S100PBP: variants seen among roughly 807,000 people sequenced by gnomAD.
The protein encoded by S100PBP is S100P-binding protein.
A neutral mutation model predicts 39.9 loss-of-function variants in S100PBP; 15 were observed. That is an observed-to-expected ratio of 0.38 (90% CI 0.25 to 0.58). The LOEUF is 0.58. Among genes scored for constraint, S100PBP ranks in the 20% least tolerant of loss-of-function variants. The probability of loss-of-function intolerance (pLI) is 0.70; values close to 1 mark genes in which losing one functional copy is unlikely to be tolerated. For missense variants in S100PBP, 504 were observed against 487.3 expected (o/e 1.03, Z -0.32); for synonymous variants, 178 against 180.3 (o/e 0.99, Z 0.10).
chr1:32,842,246 C>T (rs1270459884), intron 5 of S100PBP, among the ~76,000 whole-genome samples: 61 of 118,038 alleles, frequency 5.2e-4, no homozygotes, highest in East Asian at 3.3e-3. Flanking sequence ...TACACACACA[C>T]ACACACACAC....
chr1:32,841,310 A>G (rs191168764), intron 5 of S100PBP, among the ~76,000 whole-genome samples: 3 of 152,234 alleles, frequency 2.0e-5, no homozygotes, highest in East Asian at 3.9e-4. Flanking sequence ...TTTCATTCCC[A>G]TAAGTGTCTT....
chr1:32,854,555 A>T (rs1238612516), intron 6 of S100PBP, among the ~76,000 whole-genome samples: 1 of 152,188 alleles, frequency 6.6e-6, no homozygotes, highest in Non-Finnish European at 1.5e-5. Context: ...ACTATTTCTC[A>T]TCATTTGACC....
intron 5 of S100PBP, among the ~76,000 whole-genome samples, chr1:32,832,701 A>C (rs921588746): frequency 3.9e-5 from 6 of 152,202 alleles, no homozygotes; most frequent in Admixed American, 6.5e-5. Context: ...GAAGCACAAA[A>C]GGGGAGCGTA....
At chr1:32,840,196 G>A (rs1483606675) in intron 5 of S100PBP, among the ~76,000 whole-genome samples, 1 of 152,148 alleles carries the variant, frequency 6.6e-6, no homozygotes, top group Admixed American at 6.5e-5. Context: ...ATGTTGGCCA[G>A]GCTGGGCTTG....
In S100PBP at chr1:32,853,143, G is replaced by A; in HGVS notation, c.1089G>A (p.Gln363=). 1.2e-6 allele frequency: 2 copies of A among 1,612,332 alleles called. No homozygotes were observed. Among genetic ancestry groups the A allele is most frequent in the Non-Finnish European group, 1.7e-6 (2 of 1,179,578 alleles). The part of the protein sequence containing the change: ...QVHHMQHSKW[Q]HPSDLTTRNY... ...ATCATATGCAGCACTCAAAATGGCA[G>A]CATCCTTCGGACCTCACCACGCGGT... The change falls in exon 6 of 7, where the codon CAG becomes CAA. Residue 363 remains glutamine, a synonymous_variant. Coordinates refer to ENST00000373475, the MANE Select transcript of S100PBP (RefSeq NM_022753.4).
Position 32,857,662 on chromosome 1 carries a change from A to T in S100PBP, c.*1624A>T, listed in dbSNP as rs1398309731. ...TAGACATCATTTTAGGAAGTGTTGCAGTCTGGCATTTGTGCTATTGTTCAT... is the reference window on the plus strand; with the variant it reads ...TAGACATCATTTTAGGAAGTGTTGCTGTCTGGCATTTGTGCTATTGTTCAT... On this transcript the variant is annotated 3_prime_UTR_variant, in exon 7 of 7. Transcript: ENST00000373475. The T allele has an allele frequency of 6.6e-6, 1 of 152,208 alleles. No individual in the cohort carries two copies. Among genetic ancestry groups the T allele is most frequent in the African/African-American group, 2.4e-5 (1 of 41,454 alleles). The allele number at this position is 152,208 out of a possible 1,614,324, so 9.4% of individuals were successfully genotyped here.
At chr1:32,849,690 G>A (rs992711206) in intron 5 of S100PBP, among the ~76,000 whole-genome samples, 2 of 152,184 alleles carry the variant, frequency 1.3e-5, no homozygotes, top group Non-Finnish European at 2.9e-5. Flanking sequence ...TTGAGCCATT[G>A]TTTACAAGAG....
intron 5 of S100PBP, among the ~76,000 whole-genome samples, chr1:32,845,481 C>G (rs1203031825): frequency 6.6e-6 from 1 of 151,908 alleles, no homozygotes; most frequent in African/African-American, 2.4e-5. Flanking sequence ...GTTACCCAGG[C>G]TAGTCTCGAA....
At chr1:32,852,378 A>G (rs1446749726) in intron 5 of S100PBP, among the ~76,000 whole-genome samples, 1 of 152,186 alleles carries the variant, frequency 6.6e-6, no homozygotes, top group Non-Finnish European at 1.5e-5. Context: ...AATGATATTA[A>G]TAACATCTAT....
chr1:32,849,683 A>G (rs1192767419), intron 5 of S100PBP, among the ~76,000 whole-genome samples: 1 of 152,214 alleles, frequency 6.6e-6, no homozygotes, highest in Non-Finnish European at 1.5e-5. Context: ...CTAATTATTG[A>G]GCCATTGTTT....
chr1:32,826,781 A>G lies in S100PBP; in HGVS notation c.682A>G (p.Met228Val), dbSNP rs775815231. Residue 228 changes from methionine to valine, a missense_variant, in exon 3 of 7, where the codon ATG (methionine) becomes GTG (valine). Met to Val is a conservative substitution (Grantham distance 21). Coordinates refer to ENST00000373475, the MANE Select transcript of S100PBP (RefSeq NM_022753.4). ...TCAACAGACTGTCTCTGATAAAAAT[A>G]TGCCTGACAGTGAGAACCCTACGTC... Reference protein sequence around the residue: ...NFQQTVSDKNMPDSENPTSVF... With the variant: ...NFQQTVSDKNVPDSENPTSVF... The G allele has an allele frequency of 6.2e-7, 1 of 1,614,152 alleles. No homozygotes were observed. The highest frequency in any genetic ancestry group is 2.2e-5 in the East Asian group (1 of 44,878).
rs190782020 is a variant in S100PBP, at chr1:32,831,581, T to A, written c.1024+1514T>A. Among the ~76,000 whole-genome samples, 5 of 152,192 alleles carry A rather than the reference T, an allele frequency of 3.3e-5. No individual in the cohort carries two copies. In the East Asian group the frequency reaches 9.7e-4, roughly 29 times the overall value. ...GAATTTTTTATCCCGTATCCTTTTA[T>A]TTTTCACTGAATATTTCATAAGCAA... On this transcript the variant is annotated intron_variant, in intron 5 of 6. Coordinates refer to ENST00000373475, the MANE Select transcript of S100PBP (RefSeq NM_022753.4).
chr1:32,839,936 C>A (rs1322122765), intron 5 of S100PBP, among the ~76,000 whole-genome samples: 2 of 152,140 alleles, frequency 1.3e-5, no homozygotes, highest in East Asian at 3.8e-4. Context: ...ACCTGAGCCT[C>A]CCGAGTAGCT....
At chr1:32,835,811 A>G (rs1639792946) in intron 5 of S100PBP, 1 of 151,858 alleles carries the variant, frequency 6.6e-6, no homozygotes, top group African/African-American at 2.4e-5. Flanking sequence ...TTAAGGCTGA[A>G]TAATATTCCA....
intron 5 of S100PBP, chr1:32,843,224 T>G (rs1008434474): frequency 1.3e-5 from 2 of 152,220 alleles, no homozygotes; most frequent in Non-Finnish European, 2.9e-5. Context: ...AAGAAATTTT[T>G]ACTTGTTTCT....
rs756657666 is a variant in S100PBP, at chr1:32,826,707, A to T, written c.608A>T (p.Asn203Ile). The T allele has an allele frequency of 2.9e-5, 47 of 1,614,162 alleles. No homozygotes were observed. The highest frequency in any genetic ancestry group is 4.0e-5 in the Non-Finnish European group (47 of 1,180,018). ...ACTGAATCTGAAGGGATCAGCCCCA[A>T]TAACTCTGCCTGGAATGGGCCCCAG... ...LCTESEGISP[N>I]NSAWNGPQLS... The change falls in exon 3 of 7, where the codon AAT (asparagine) becomes ATT (isoleucine). Residue 203 changes from asparagine (N) to isoleucine (I), a missense_variant. Asn to Ile is a moderately radical substitution (Grantham distance 149, BLOSUM62 -3). Transcript: ENST00000373475.
intron 4 of S100PBP, among the ~76,000 whole-genome samples, chr1:32,829,131 G>A (rs1639474210): frequency 6.6e-6 from 1 of 152,184 alleles, no homozygotes. Context: ...TACAATGTAA[G>A]TGATAATCAA....
chr1:32,833,503 A>C (rs1211353204), intron 5 of S100PBP, among the ~76,000 whole-genome samples: 3 of 151,810 alleles, frequency 2.0e-5, no homozygotes, highest in Non-Finnish European at 4.4e-5. Context: ...CTGGGACCAC[A>C]GGCGCAGACA....
chr1:32,834,763 A>G (rs949580106), intron 5 of S100PBP: 9 of 152,192 alleles, frequency 5.9e-5, no homozygotes, highest in Non-Finnish European at 2.9e-5. Flanking sequence ...CTGTTCCCCA[A>G]CAACTAACTG....
Sources: allele counts gnomAD v4.1 joint callset (sites outside exome capture counted in the v4.1 genomes callset), GRCh38; gene constraint gnomAD v4.1.1; transcripts MANE v1.5; gene names NCBI Gene and HGNC (gene_info 2026-07-23, HGNC 2026-07-21).